APTX: variants seen among roughly 807,000 people sequenced by gnomAD.
The protein encoded by APTX is forkhead-associated domain histidine triad-like protein.
Under a neutral mutation model 42.3 loss-of-function variants are expected in APTX, and 33 were observed. That is an observed-to-expected ratio of 0.78 (90% CI 0.59 to 1.04). The LOEUF (loss-of-function observed/expected upper bound fraction) is 1.04, where lower values mean the gene tolerates loss of function less well. APTX is among the 50% of genes least tolerant of loss of function. The pLI, the probability that APTX is intolerant of heterozygous loss-of-function variation, is 0.00. For synonymous variants in APTX, 130 were observed against 146.7 expected (o/e 0.89, Z 0.82); for missense variants, 421 against 415.1 (o/e 1.01, Z -0.12).
chr9:33,001,534 CCAG>C (rs1563992805), intron 1 of APTX, 30 bp downstream of exon 1: 1 of 1,613,410 alleles, frequency 6.2e-7, no homozygotes, highest in East Asian at 2.2e-5. Flanking sequence ...TTGAGCCCAG[CCAG>C]CAGAAGAGAT....
intron 1 of APTX, among the ~76,000 whole-genome samples, chr9:33,023,254 T>G (rs1838541377): frequency 6.6e-6 from 1 of 152,004 alleles, no homozygotes; most frequent in Admixed American, 6.6e-5. Context: ...GACAGAGTCT[T>G]GCTCTGTCAA....
chr9:33,024,572 T>C (rs891567461), intron 1 of APTX, among the ~76,000 whole-genome samples: 1 of 152,110 alleles, frequency 6.6e-6, no homozygotes, highest in Non-Finnish European at 1.5e-5. Context: ...TCCACGGCCC[T>C]CTGTACATCA....
At chr9:32,990,545 C>T (rs1833356754) in intron 1 of APTX, among the ~76,000 whole-genome samples, 1 of 152,188 alleles carries the variant, frequency 6.6e-6, no homozygotes, top group Admixed American at 6.5e-5. Flanking sequence ...AAAACAGGGA[C>T]ATTGTCCCTG....
chr9:33,002,679 C>T (rs1464259706), upstream of APTX, among the ~76,000 whole-genome samples: 1 of 152,182 alleles, frequency 6.6e-6, no homozygotes, highest in Non-Finnish European at 1.5e-5. Context: ...ACTGCAAAAC[C>T]CCGTTGCAGT....
intron 1 of APTX, among the ~76,000 whole-genome samples, chr9:33,009,642 G>A (rs1471123514): frequency 1.3e-5 from 2 of 151,984 alleles, no homozygotes; most frequent in Non-Finnish European, 2.9e-5. Context: ...AGCCGGGCAC[G>A]GTGGTATGTG....
chr9:33,004,313 A>G (rs1423259279), upstream of APTX, among the ~76,000 whole-genome samples: 1 of 152,206 alleles, frequency 6.6e-6, no homozygotes, highest in Non-Finnish European at 1.5e-5. Flanking sequence ...AAAAAACTAC[A>G]TATTGGGTGT....
upstream of APTX, among the ~76,000 whole-genome samples, chr9:33,003,928 T>TGAATATCCAAATA (rs1214036172): frequency 2.2e-4 from 33 of 152,242 alleles, no homozygotes; most frequent in Admixed American, 8.5e-4. Flanking sequence ...CATTTGGCTA[T>TGAATATCCAAATA]TGTGAATAAT....
chr9:32,985,326 G>GTTT (rs5897530), intron 5 of APTX, among the ~76,000 whole-genome samples: 147 of 103,050 alleles, frequency 1.4e-3, no homozygotes, highest in East Asian at 3.4e-3. Flanking sequence ...GATGATGCCT[G>GTTT]TTTTTTTTTT....
intron 1 of APTX, among the ~76,000 whole-genome samples, chr9:33,022,468 T>C (rs533484775): frequency 3.9e-5 from 6 of 152,352 alleles, no homozygotes; most frequent in South Asian, 4.1e-4. Context: ...TGGAAACTTA[T>C]TTATTACAAT....
chr9:32,984,580 C>G (rs1173901537), intron 6 of APTX, 51 bp downstream of exon 6: 2 of 1,568,632 alleles, frequency 1.3e-6, no homozygotes, highest in Non-Finnish European at 1.8e-6. Flanking sequence ...CTGAATCTAT[C>G]TGCCCACCTG....
intron 6 of APTX, among the ~76,000 whole-genome samples, chr9:32,982,209 T>C (rs1191999296): frequency 2.0e-5 from 3 of 151,940 alleles, no homozygotes; most frequent in African/African-American, 4.8e-5. Context: ...CAAACCCAAA[T>C]TAAAAGACGT....
At position 32,974,459 on chromosome 9, in the gene APTX, T is replaced by C. The variant is rs756794044; in HGVS notation, c.873A>G (p.Gln291=). ...SFNTEYFLES[Q]AVIEMVQEAG... is the part of the protein sequence containing the mutation. ...TGAAAACCAAGGAACACTGTTTACC[T>C]TGTGATTCTAGGAAGTATTCTGTAT... Residue 291 remains glutamine, a splice_region_variant and synonymous_variant, in exon 7 of 8, where the codon CAA becomes CAG. Transcript: ENST00000379817. 1.9e-5 allele frequency: 29 copies of C among 1,548,154 alleles called. No homozygotes were observed. The highest frequency in any genetic ancestry group is 2.2e-5 in the Non-Finnish European group (25 of 1,120,384).
intron 1 of APTX, among the ~76,000 whole-genome samples, chr9:33,016,566 GCTTT>G (rs1168271756): frequency 1.3e-5 from 2 of 152,062 alleles, no homozygotes; most frequent in African/African-American, 2.4e-5. Flanking sequence ...ACTTCTTTCG[GCTTT>G]CTACCAGGCT....
In APTX at chr9:32,973,277, G is replaced by A. The variant is rs894220671; in HGVS notation, c.*221C>T. On this transcript the variant is annotated 3_prime_UTR_variant, in exon 8 of 8. Coordinates refer to ENST00000379817, the MANE Select transcript of APTX (RefSeq NM_001195248.2). Reference sequence around the variant, plus strand: ...AAGATGGTGGGTCAGGTATATCCCAGCCACCCTCACCAGAGAATACATCTA... The same window carrying A: ...AAGATGGTGGGTCAGGTATATCCCAACCACCCTCACCAGAGAATACATCTA... The A allele has an allele frequency of 1.5e-6, 1 of 648,524 alleles. No homozygotes were observed. Among genetic ancestry groups the A allele is most frequent in the Non-Finnish European group, 2.8e-6 (1 of 355,630 alleles). The allele number at this position is 648,524 out of a possible 1,614,324, so 40.2% of individuals were successfully genotyped here. A position where few individuals can be genotyped will look rare whatever the true frequency, so the allele number is the denominator to read the frequency against.
chr9:33,000,004 G>A (rs1464811371), intron 1 of APTX, among the ~76,000 whole-genome samples: 5 of 152,062 alleles, frequency 3.3e-5, no homozygotes, highest in Non-Finnish European at 5.9e-5. Flanking sequence ...TAGGTGTCTG[G>A]GAGCTTAATG....
intron 1 of APTX, among the ~76,000 whole-genome samples, chr9:32,996,313 G>A (rs866618511): frequency 7.1e-6 from 1 of 141,446 alleles, no homozygotes; most frequent in Non-Finnish European, 1.5e-5. Flanking sequence ...GTCTCACTCT[G>A]TTGCCCAGAT....
chr9:33,014,121 A>T (rs1206338446), intron 1 of APTX, among the ~76,000 whole-genome samples: 1 of 152,158 alleles, frequency 6.6e-6, no homozygotes, highest in East Asian at 1.9e-4. Context: ...CAGCACAGAA[A>T]CTGATGGCAA....
intron 1 of APTX, among the ~76,000 whole-genome samples, chr9:32,991,264 T>C (rs923655444): frequency 1.3e-5 from 2 of 152,184 alleles, no homozygotes; most frequent in African/African-American, 4.8e-5. Context: ...GTGACAATTT[T>C]GTGCAATACG....
rs761145895 is a variant in APTX, at chr9:32,989,802, G to A, written c.90C>T (p.Gly30=). The A allele has an allele frequency of 2.7e-5, 44 of 1,614,096 alleles. No homozygotes were observed. The South Asian group carries it at 4.2e-4, about 15-fold the overall frequency. Residue 30 remains glycine, a synonymous_variant, in exon 2 of 8, where the codon GGC becomes GGT. Coordinates refer to ENST00000379817, the MANE Select transcript of APTX (RefSeq NM_001195248.2). ...PHLEAVVIGR[G]PETKITDKKC... ...TCTTATCAGTGATCTTGGTCTCTGG[G>A]CCACGCCCAATCACAACTGCTTCCA...
Sources: allele counts gnomAD v4.1 joint callset (sites outside exome capture counted in the v4.1 genomes callset), GRCh38; gene constraint gnomAD v4.1.1; transcripts MANE v1.5; gene names NCBI Gene and HGNC (gene_info 2026-07-23, HGNC 2026-07-21).